NRXN1: variants seen among roughly 807,000 people sequenced by gnomAD.
The protein encoded by NRXN1 is neurexin-1.
A neutral mutation model predicts 150.9 loss-of-function variants in NRXN1; 39 were observed. The observed-to-expected ratio is 0.26, with a 90% CI of 0.20 to 0.34. NRXN1 has a LOEUF of 0.34. NRXN1 is among the 10% of genes least tolerant of loss of function. The probability of loss-of-function intolerance (pLI) is 1.00; values close to 1 mark genes in which losing one functional copy is unlikely to be tolerated. For missense variants in NRXN1, 1,815 were observed against 1,949.9 expected, an observed-to-expected ratio of 0.93 and a Z score of 1.30; for synonymous variants, 924 against 757.0, an observed-to-expected ratio of 1.22 and a Z score of -3.62.
rs192558472 is a variant in NRXN1 at position 50,995,654 on chromosome 2, G to C, written c.772+31848C>G. On this transcript the variant is annotated intron_variant, in intron 2 of 22. Coordinates refer to ENST00000401669, the MANE Select transcript of NRXN1 (RefSeq NM_001330078.2). ...AGAGGATCCTAGACCTCAGGGTACT[G>C]TATTTGAAGATGGGACAATCTTGGA... Among the ~76,000 whole-genome samples the C allele has an allele frequency of 6.0e-4, 91 of 150,774 alleles. 1 individual carries two copies. The highest frequency in any genetic ancestry group is 2.1e-3 in the African/African-American group (88 of 41,160).
intron 5 of NRXN1, among the ~76,000 whole-genome samples, chr2:50,752,480 T>G (rs529000096): frequency 6.6e-6 from 1 of 152,094 alleles, no homozygotes; most frequent in East Asian, 1.9e-4. Flanking sequence ...AACCCAATGC[T>G]AACTATAGGA....
intron 18 of NRXN1, among the ~76,000 whole-genome samples, chr2:50,103,373 G>A (rs942119490): frequency 3.3e-5 from 5 of 151,832 alleles, no homozygotes; most frequent in African/African-American, 9.7e-5. Context: ...TCACTTGACT[G>A]GTTTTTCAAG....
At chr2:50,699,481 A>C (rs1284662078) in intron 5 of NRXN1, among the ~76,000 whole-genome samples, 1 of 152,066 alleles carries the variant, frequency 6.6e-6, no homozygotes, top group East Asian at 1.9e-4. Flanking sequence ...CAGAAGGGGA[A>C]GTCAGAGACA....
chr2:51,029,958 G>GT (rs1671224731), intron 1 of NRXN1, among the ~76,000 whole-genome samples: 11 of 152,054 alleles, frequency 7.2e-5, no homozygotes. Flanking sequence ...CAGAAGAGCT[G>GT]TTGGCATGTA....
intron 17 of NRXN1, among the ~76,000 whole-genome samples, chr2:50,433,691 A>G (rs547678390): frequency 7.0e-6 from 1 of 143,576 alleles, no homozygotes; most frequent in Non-Finnish European, 1.5e-5. Context: ...AGAAGAAGGG[A>G]GTGAGAAAGG....
intron 17 of NRXN1, among the ~76,000 whole-genome samples, chr2:50,430,780 G>T (rs528921908): frequency 1.3e-5 from 2 of 152,166 alleles, no homozygotes; most frequent in East Asian, 1.9e-4. Context: ...ACAAGTCAGG[G>T]TATCTAATTC....
At chr2:50,267,241 T>G (rs997685298) in intron 17 of NRXN1, among the ~76,000 whole-genome samples, 1 of 152,242 alleles carries the variant, frequency 6.6e-6, no homozygotes, top group South Asian at 2.1e-4. Context: ...TGTCTACCTT[T>G]GACCAATGGT....
chr2:50,540,504 G>A (rs1280076800), intron 9 of NRXN1, among the ~76,000 whole-genome samples: 1 of 152,060 alleles, frequency 6.6e-6, no homozygotes. Flanking sequence ...CCTAAGAAGC[G>A]AATAAACAGA....
At chr2:49,960,150 G>A (rs1489832804) in intron 21 of NRXN1, among the ~76,000 whole-genome samples, 2 of 152,142 alleles carry the variant, frequency 1.3e-5, no homozygotes, top group Admixed American at 6.5e-5. Context: ...TGTTGCCATG[G>A]CAATGGTTTG....
At chr2:50,203,939 A>G (rs1203459358) in intron 18 of NRXN1, among the ~76,000 whole-genome samples, 1 of 152,154 alleles carries the variant, frequency 6.6e-6, no homozygotes, top group African/African-American at 2.4e-5. Context: ...AGGAAATAAT[A>G]CAATCCAAAT....
At chr2:50,534,289 G>C (rs943745202) in intron 10 of NRXN1, among the ~76,000 whole-genome samples, 1 of 152,166 alleles carries the variant, frequency 6.6e-6, no homozygotes, top group African/African-American at 2.4e-5. Flanking sequence ...CCAAAATTGG[G>C]CTGCAGAAGA....
chr2:50,800,808 A>G (rs970912919), intron 5 of NRXN1, among the ~76,000 whole-genome samples: 1 of 152,138 alleles, frequency 6.6e-6, no homozygotes, highest in Non-Finnish European at 1.5e-5. Flanking sequence ...CCCCAGCCTC[A>G]CAAAGTGCTG....
At chr2:50,709,524 G>A (rs1409648259) in intron 5 of NRXN1, among the ~76,000 whole-genome samples, 2 of 152,098 alleles carry the variant, frequency 1.3e-5, no homozygotes, top group South Asian at 2.1e-4. Context: ...AATCACTTCA[G>A]AGAAGGTACC....
intron 5 of NRXN1, among the ~76,000 whole-genome samples, chr2:50,705,834 A>T (rs1311032844): frequency 1.3e-5 from 2 of 152,034 alleles, no homozygotes; most frequent in Non-Finnish European, 2.9e-5. Flanking sequence ...CCTATGGCCC[A>T]TAGTGCGACC....
chr2:50,240,636 G>C (rs763718689), intron 17 of NRXN1, among the ~76,000 whole-genome samples: 4 of 151,628 alleles, frequency 2.6e-5, no homozygotes, highest in Non-Finnish European at 4.4e-5. Context: ...GATTAAGAAT[G>C]TAAACTCTAG....
rs1397196052 is a variant in NRXN1, at chr2:50,428,727, A to G, written c.3364+36715T>C. Among the ~76,000 whole-genome samples the G allele has an allele frequency of 1.3e-5, 2 of 152,212 alleles. 1 individual carries two copies. The highest frequency in any genetic ancestry group is 4.8e-5 in the African/African-American group (2 of 41,448). On this transcript the variant is annotated intron_variant, in intron 17 of 22. Transcript: ENST00000401669. The stretch of plus-strand genomic sequence containing the variant: ...CTCTGGGCCTTTAGAAAAACAACAG[A>G]TAACGATAGACCTTGCTTTAGCACA...
At chr2:50,910,222 TAA>T (rs1684327420) in intron 5 of NRXN1, among the ~76,000 whole-genome samples, 1 of 152,024 alleles carries the variant, frequency 6.6e-6, no homozygotes, top group Admixed American at 6.6e-5. Flanking sequence ...GTTTGTGATT[TAA>T]AAAGTTAGTT....
At chr2:50,350,177 A>G (rs536819261) in intron 17 of NRXN1, among the ~76,000 whole-genome samples, 2 of 152,338 alleles carry the variant, frequency 1.3e-5, no homozygotes, top group South Asian at 4.1e-4. Context: ...CTGAATGATA[A>G]TGACACCTTC....
chr2:50,860,458 T>C (rs532882694), intron 5 of NRXN1, among the ~76,000 whole-genome samples: 147 of 151,900 alleles, frequency 9.7e-4, no homozygotes, highest in Non-Finnish European at 1.6e-3. Flanking sequence ...TCCTGACATG[T>C]GGAAGGGTTG....
Sources: allele counts gnomAD v4.1 joint callset (sites outside exome capture counted in the v4.1 genomes callset), GRCh38; gene constraint gnomAD v4.1.1; transcripts MANE v1.5; gene names NCBI Gene and HGNC (gene_info 2026-07-23, HGNC 2026-07-21).